Variants in IFT74 observed in about 807,000 individuals in gnomAD.
IFT74 encodes intraflagellar transport protein 74 homolog.
IFT74 carries 92 observed loss-of-function variants against 96.7 expected under a neutral mutation model. That is an observed-to-expected ratio of 0.95 (90% CI 0.80 to 1.13). IFT74 has a LOEUF of 1.13. Ranked by LOEUF, IFT74 falls within the 50% of genes most tolerant of loss-of-function variation. The pLI is 0.00. For synonymous variants in IFT74, 223 were observed against 213.2 expected, an observed-to-expected ratio of 1.05 and a Z score of -0.40; for missense variants, 811 against 698.2, an observed-to-expected ratio of 1.16 and a Z score of -1.82.
At position 27,029,085 on chromosome 9, in the gene IFT74, G is replaced by C; in HGVS notation, c.1035G>C (p.Met345Ile). The change falls in exon 13 of 20, where the codon ATG becomes ATC. Residue 345 changes from methionine (M) to isoleucine (I), a missense_variant. Physicochemically the swap from Met to Ile is conservative, Grantham distance 10. Coordinates refer to ENST00000380062, the MANE Select transcript of IFT74 (RefSeq NM_025103.4). The part of the protein sequence containing the change: ...QFIEEIRQLD[M>I]DLEEHQGEMN... ...TTGAAGAAATTAGACAACTTGACAT[G>C]GATTTAGAGGAACACCAAGGTATGC... 6.2e-7 allele frequency: 1 copy of C among 1,601,740 alleles called. No individual in the cohort carries two copies. The highest frequency in any genetic ancestry group is 2.2e-5 in the East Asian group (1 of 44,562).
At chr9:27,061,099 C>A in intron 19 of IFT74, 1 of 179,726 alleles carries the variant, frequency 5.6e-6, no homozygotes, top group Non-Finnish European at 1.2e-5. Flanking sequence ...AAACCCTGGG[C>A]CAAATTAAAT....
At chr9:26,995,845 A>G (rs1397770008) in intron 8 of IFT74, 1 of 1,598,314 alleles carries the variant, frequency 6.3e-7, no homozygotes, top group African/African-American at 1.3e-5. Flanking sequence ...CAAGAGGTTC[A>G]TGTTCTTTAA....
chr9:27,015,811 T>C (rs927005300), intron 10 of IFT74, among the ~76,000 whole-genome samples: 7 of 152,218 alleles, frequency 4.6e-5, no homozygotes, highest in African/African-American at 1.7e-4. Context: ...TACTATCTTG[T>C]AGAGTATCAC....
chr9:26,960,631 G>A (rs1162824372), intron 1 of IFT74, among the ~76,000 whole-genome samples: 1 of 152,162 alleles, frequency 6.6e-6, no homozygotes, highest in Non-Finnish European at 1.5e-5. Flanking sequence ...GTTATATTCT[G>A]ATGAATAAAG....
At chr9:26,982,473 T>A in intron 4 of IFT74, 1 of 351,050 alleles carries the variant, frequency 2.8e-6, no homozygotes, top group East Asian at 8.8e-5. Flanking sequence ...TTTTTTTTTT[T>A]GAGACAGAGT....
chr9:26,947,337 T>C, intron 1 of IFT74: 1 of 423,040 alleles, frequency 2.4e-6, no homozygotes, highest in East Asian at 4.3e-5. Context: ...CTGAGCTGGC[T>C]TTCCTCCAGG....
At chr9:27,022,831 C>T (rs953425338) in intron 12 of IFT74, among the ~76,000 whole-genome samples, 3 of 151,864 alleles carry the variant, frequency 2.0e-5, no homozygotes, top group Non-Finnish European at 4.4e-5. Context: ...TTAGTAGAGA[C>T]GGGGTTTCAC....
At chr9:26,968,969 A>G (rs1477210644) in intron 2 of IFT74, among the ~76,000 whole-genome samples, 1 of 151,920 alleles carries the variant, frequency 6.6e-6, no homozygotes, top group African/African-American at 2.4e-5. Context: ...TGGTTTGCTC[A>G]TGCTTATCTG....
intron 8 of IFT74, among the ~76,000 whole-genome samples, chr9:26,999,917 T>G (rs1395414542): frequency 6.6e-6 from 1 of 151,838 alleles, no homozygotes; most frequent in African/African-American, 2.4e-5. Flanking sequence ...AACACAAGCA[T>G]GCACTACCAT....
At chr9:26,948,955 C>T (rs561836069) in intron 1 of IFT74, among the ~76,000 whole-genome samples, 9 of 151,812 alleles carry the variant, frequency 5.9e-5, no homozygotes, top group Admixed American at 3.9e-4. Flanking sequence ...TTTTTTTAAA[C>T]TTAGAATTCC....
chr9:26,963,373 G>C (rs1279745124), intron 2 of IFT74, among the ~76,000 whole-genome samples: 1 of 151,380 alleles, frequency 6.6e-6, no homozygotes, highest in Non-Finnish European at 1.5e-5. Flanking sequence ...GGACATTTGG[G>C]TTGGTTCCAA....
chr9:26,995,303 G>A (rs1828083408), intron 8 of IFT74: 1 of 448,250 alleles, frequency 2.2e-6, no homozygotes. Context: ...TGCTAGTATT[G>A]TAGACTATGT....
intron 2 of IFT74, among the ~76,000 whole-genome samples, chr9:26,976,313 C>G (rs1387391119): frequency 6.6e-6 from 1 of 152,184 alleles, no homozygotes; most frequent in Admixed American, 6.5e-5. Context: ...AAGACGAGTA[C>G]TCAAACAAAG....
At chr9:27,054,959 T>C (rs62542706) in intron 16 of IFT74, among the ~76,000 whole-genome samples, 15,367 of 152,212 alleles carry the variant, frequency 0.1, 1,029 homozygotes, top group South Asian at 0.26. Context: ...AATTCAGGCA[T>C]AAGTTACAGT....
intron 8 of IFT74, among the ~76,000 whole-genome samples, chr9:27,006,025 G>A (rs1828757608): frequency 6.6e-6 from 1 of 151,802 alleles, no homozygotes; most frequent in African/African-American, 2.4e-5. Context: ...TGTATTTTTA[G>A]TAGAGATGCG....
chr9:26,979,793 A>G (rs1587277262), intron 3 of IFT74, among the ~76,000 whole-genome samples: 1 of 140,512 alleles, frequency 7.1e-6, no homozygotes, highest in African/African-American at 2.7e-5. Flanking sequence ...GCTCACTGCA[A>G]CCTCCGCATC....
chr9:26,954,538 G>T (rs1826021769), upstream of IFT74, among the ~76,000 whole-genome samples: 1 of 150,950 alleles, frequency 6.6e-6, no homozygotes, highest in Non-Finnish European at 1.5e-5. Context: ...TAACAGATAG[G>T]AATAGTACAG....
chr9:27,062,427 G>A lies in IFT74; in HGVS notation c.1685-191G>A, dbSNP rs12351713. 0.015 allele frequency among the ~76,000 whole-genome samples: 2,301 copies of A among 152,060 alleles called. 58 individuals are homozygous for A. Among genetic ancestry groups the A allele is most frequent in the African/African-American group, 0.051 (2,099 of 41,470 alleles). ...TTTATATTGTATATGAATTTTTTGC[G>A]GTAAGTTTAGCTTGGCATTTTAGGT... On this transcript the variant is annotated intron_variant, in intron 19 of 19. Coordinates refer to ENST00000380062, the MANE Select transcript of IFT74 (RefSeq NM_025103.4).
rs1830198025 is a variant in IFT74, at chr9:27,033,096, A to G, written c.1054+3992A>G. ...GTTTAGGCTTTTAGACTTTTAATAC[A>G]TTGATAAACATATTTTTAAATGGAG... On this transcript the variant is annotated intron_variant, in intron 13 of 19. Transcript: ENST00000380062. Among the ~76,000 whole-genome samples the G allele has an allele frequency of 2.0e-5, 3 of 152,184 alleles. No homozygotes were observed. In the South Asian group the frequency reaches 6.2e-4, roughly 31 times the overall value.
Sources: allele counts gnomAD v4.1 joint callset (sites outside exome capture counted in the v4.1 genomes callset), GRCh38; gene constraint gnomAD v4.1.1; transcripts MANE v1.5; gene names NCBI Gene and HGNC (gene_info 2026-07-23, HGNC 2026-07-21).